Variants in CYP17A1 observed in about 807,000 individuals in gnomAD.
CYP17A1 encodes the protein steroid 17-alpha-hydroxylase/17,20 lyase.
A neutral mutation model predicts 38.5 loss-of-function variants in CYP17A1; 27 were observed. The observed-to-expected ratio is 0.70, with a 90% CI of 0.52 to 0.97. CYP17A1 has a LOEUF of 0.97. Among genes scored for constraint, CYP17A1 ranks in the 50% least tolerant of loss-of-function variants. The probability of loss-of-function intolerance (pLI) is 0.00; values close to 1 mark genes in which losing one functional copy is unlikely to be tolerated. For missense variants in CYP17A1, 549 were observed against 645.9 expected (o/e 0.85, Z 1.63); for synonymous variants, 263 against 253.3 (o/e 1.04, Z -0.36).
At position 102,837,119 on chromosome 10, in the gene CYP17A1, C is replaced by T; in HGVS notation, c.243G>A (p.Leu81=). 6.2e-7 allele frequency: 1 copy of T among 1,607,846 alleles called. No homozygotes were observed. Among genetic ancestry groups the T allele is most frequent in the Non-Finnish European group, 8.5e-7 (1 of 1,174,206 alleles). ...KTTVIVGHHQ[L]AKEVLIKKGK... ...CCTTCTTAATAAGCACCTCCTTGGCCAGCTGGTGGTGGCCGACAATCACTG... is the reference window on the plus strand; with the variant it reads ...CCTTCTTAATAAGCACCTCCTTGGCTAGCTGGTGGTGGCCGACAATCACTG... Residue 81 remains leucine (L), a synonymous_variant, in exon 1 of 8, where the codon CTG becomes CTA. Coordinates refer to ENST00000369887, the MANE Select transcript of CYP17A1 (RefSeq NM_000102.4).
In CYP17A1 at chr10:102,833,917, T is replaced by A. The variant is rs1844124573; in HGVS notation, c.753+119A>T. On this transcript the variant is annotated intron_variant, in intron 4 of 7. Coordinates refer to ENST00000369887, the MANE Select transcript of CYP17A1 (RefSeq NM_000102.4). The stretch of plus-strand genomic sequence containing the variant: ...CTTAAGTCAGTTTTTATTGTACACC[T>A]ACTATGTGCCAGGTTCTCTGCTTGG... 3 of 700,622 alleles carry A rather than the reference T, an allele frequency of 4.3e-6. No homozygotes were observed. In the East Asian group the frequency reaches 8.0e-5, roughly 19 times the overall value. 43.4% of individuals were successfully genotyped at this position (700,622 alleles called of 1,614,324 possible).
Position 102,833,337 on chromosome 10 carries a change from G to T in CYP17A1, c.754-129C>A, listed in dbSNP as rs895963188. 7 of 1,556,160 alleles carry T rather than the reference G, an allele frequency of 4.5e-6. No individual in the cohort carries two copies. The East Asian group carries it at 1.6e-4, about 36-fold the overall frequency. ...TTGGAAGTAGAGCAAGTCTGGGCAG[G>T]ACCTACGAACTTGTGGAGGTAGGAG... On this transcript the variant is annotated intron_variant, in intron 4 of 7. Coordinates refer to ENST00000369887, the MANE Select transcript of CYP17A1 (RefSeq NM_000102.4).
chr10:102,835,454 C>T (rs534015171), intron 1 of CYP17A1, 62 bp from the exon 2 acceptor site: 4 of 1,378,228 alleles, frequency 2.9e-6, no homozygotes, highest in Middle Eastern at 1.8e-4. Context: ...TGCCCTTACA[C>T]CTCTGGTCCC....
rs565664423 is a variant in CYP17A1 at position 102,830,696 on chromosome 10, C to A, written c.*6G>T. On this transcript the variant is annotated 3_prime_UTR_variant, in exon 8 of 8. Transcript: ENST00000369887. The surrounding 1 kb of genome is among the most constrained non-coding windows in gnomAD (Gnocchi z 4.1). Reference sequence around the variant, plus strand: ...TAGGGTGGACAGGGGCTGTGAGTTACAGCCTTTAGGTGCTACCCTCAGCCT... The same window carrying A: ...TAGGGTGGACAGGGGCTGTGAGTTAAAGCCTTTAGGTGCTACCCTCAGCCT... 1.9e-6 allele frequency: 3 copies of A among 1,549,514 alleles called. No homozygotes were observed. The highest frequency in any genetic ancestry group is 2.7e-6 in the Non-Finnish European group (3 of 1,125,920).
chr10:102,831,779 C>T (rs548751123), intron 6 of CYP17A1, 168 bp from the exon 7 acceptor site: 2 of 1,256,652 alleles, frequency 1.6e-6, no homozygotes, highest in East Asian at 5.2e-5. Flanking sequence ...AAATCCAGCC[C>T]TTCTCCATCC....
intron 4 of CYP17A1, chr10:102,833,616 C>T (rs750797406): frequency 1.1e-4 from 31 of 282,810 alleles, no homozygotes; most frequent in Non-Finnish European, 2.0e-4. Context: ...GCCACCGTGC[C>T]CGGCTAATTT....
intron 1 of CYP17A1, 199 bp downstream of exon 1, chr10:102,836,866 C>A (rs1169253734): frequency 1.6e-6 from 1 of 620,186 alleles, no homozygotes; most frequent in Non-Finnish European, 2.9e-6. Flanking sequence ...GTAGAGGAGA[C>A]ATTCCTTTAA....
In CYP17A1 at chr10:102,832,781, A is replaced by G. The variant is rs1331450035; in HGVS notation, c.970-101T>C. ...CTGTGACATCGAGAAGAGCCTGTCC[A>G]GTCCCTTCCCAGTAGTGGCTCTGGG... is the stretch of plus-strand genomic sequence containing the variant. On this transcript the variant is annotated intron_variant, in intron 5 of 7. Transcript: ENST00000369887. 2.4e-6 allele frequency: 3 copies of G among 1,263,378 alleles called. No homozygotes were observed. In the Admixed American group the frequency reaches 5.1e-5, roughly 22 times the overall value. 78.3% of individuals were successfully genotyped at this position (1,263,378 alleles called of 1,614,324 possible).
rs377611039 is a variant in CYP17A1, at chr10:102,833,076, T to C, written c.886A>G (p.Ile296Val). ...LLSDNHILTT[I>V]GDIFGAGVET... The stretch of plus-strand genomic sequence containing the variant: ...ACGCCAGCCCCAAAGATGTCCCCTA[T>C]GGTGGTGAGAATGTGGTTATCTGAA... Residue 296 changes from isoleucine (I) to valine (V), a missense_variant, in exon 5 of 8, where the codon ATA becomes GTA. Coordinates refer to ENST00000369887, the MANE Select transcript of CYP17A1 (RefSeq NM_000102.4). The C allele has an allele frequency of 3.7e-6, 6 of 1,614,000 alleles. No individual in the cohort carries two copies. In the African/African-American group the frequency reaches 8.0e-5, roughly 22 times the overall value.
rs1309787684 is a variant in CYP17A1, at chr10:102,830,873, G to T, written c.1356C>A (p.Leu452=). Residue 452 remains leucine (L), a synonymous_variant, in exon 8 of 8, where the codon CTC becomes CTA. Transcript: ENST00000369887. This position sits in a 1 kb window ranked among gnomAD's most constrained non-coding sequence, Gnocchi z 4.1. ...CIGEILARQE[L]FLIMAWLLQR... ...GCAGCAGCCAGGCCATGATGAGGAA[G>T]AGCTCCTGGCGGGCCAGGATCTCAC... 6.3e-7 allele frequency: 1 copy of T among 1,590,026 alleles called. No homozygotes were observed. The highest frequency in any genetic ancestry group is 2.3e-5 in the East Asian group (1 of 43,902).
intron 6 of CYP17A1, among the ~76,000 whole-genome samples, chr10:102,832,236 G>A (rs1844100300): frequency 6.6e-6 from 1 of 152,066 alleles, no homozygotes; most frequent in African/African-American, 2.4e-5. Context: ...ACGATGCATG[G>A]CTAATTTTTG....
Position 102,835,025 on chromosome 10 carries a change from AG to A in CYP17A1, c.437-12del. On this transcript the variant is annotated splice_polypyrimidine_tract_variant and intron_variant, in intron 2 of 7. Coordinates refer to ENST00000369887, the MANE Select transcript of CYP17A1 (RefSeq NM_000102.4). ...TGATTTCCTGACAAACTGAAGGGAG[AG>A]GGGGCATGAGGGTGGGAAATGAATC... The A allele has an allele frequency of 6.7e-7, 1 of 1,491,420 alleles. No homozygotes were observed. Among genetic ancestry groups the A allele is most frequent in the Non-Finnish European group, 9.3e-7 (1 of 1,076,266 alleles). 92.4% of individuals were successfully genotyped at this position (1,491,420 alleles called of 1,614,324 possible).
rs954723769 is a variant in CYP17A1, at chr10:102,834,205, T to A, written c.667-83A>T. 41 of 763,618 alleles carry A rather than the reference T, an allele frequency of 5.4e-5. No homozygotes were observed. In the Admixed American group the frequency reaches 8.1e-4, roughly 15 times the overall value. 47.3% of individuals were successfully genotyped at this position (763,618 alleles called of 1,614,324 possible). ...CCAGAGTCTCTCCTGGAGGCGGATC[T>A]TAGCTTTCTGTCTCTGGAAGTTCCT... On this transcript the variant is annotated intron_variant, in intron 3 of 7. Transcript: ENST00000369887.
chr10:102,831,443 C>T, intron 7 of CYP17A1, 65 bp downstream of exon 7: 1 of 1,601,164 alleles, frequency 6.2e-7, no homozygotes, highest in Admixed American at 1.7e-5. Flanking sequence ...TGAAGGGGTA[C>T]TGGGGTGGTG....
chr10:102,831,845 C>T, intron 6 of CYP17A1: 1 of 696,616 alleles, frequency 1.4e-6, no homozygotes, highest in Admixed American at 2.3e-5. Flanking sequence ...ACTTTGGTGT[C>T]TGGCAGTGTA....
chr10:102,832,389 T>C, intron 6 of CYP17A1, 122 bp downstream of exon 6: 1 of 752,246 alleles, frequency 1.3e-6, no homozygotes. Context: ...TGATTTTTAG[T>C]AGTTGATGGT....
chr10:102,835,179 C>T (rs1393570395), intron 2 of CYP17A1, 75 bp downstream of exon 2: 1 of 1,401,118 alleles, frequency 7.1e-7, no homozygotes, highest in African/African-American at 1.4e-5. Context: ...ACCCTTACCC[C>T]TGCCCAACCC....
Position 102,830,573 on chromosome 10 carries a change from C to A in CYP17A1, c.*129G>T. On this transcript the variant is annotated 3_prime_UTR_variant, in exon 8 of 8. Transcript: ENST00000369887. This position sits in a 1 kb window ranked among gnomAD's most constrained non-coding sequence, Gnocchi z 4.1. ...CTGTTTATGCACATCACTGGCATTG[C>A]CACAAGCTGAAAAAGAAGGCAGAGT... is the stretch of plus-strand genomic sequence containing the variant. 1.5e-6 allele frequency: 1 copy of A among 657,992 alleles called. No individual in the cohort carries two copies. The highest frequency in any genetic ancestry group is 1.7e-5 in the South Asian group (1 of 59,252). The allele number at this position is 657,992 out of a possible 1,614,324, so 40.8% of individuals were successfully genotyped here. A position where few individuals can be genotyped will look rare whatever the true frequency, so the allele number is the denominator to read the frequency against.
chr10:102,834,868 A>G lies in CYP17A1; in HGVS notation c.583T>C (p.Leu195=), dbSNP rs770311570. 2 of 1,614,078 alleles carry G rather than the reference A, an allele frequency of 1.2e-6. No homozygotes were observed. Among genetic ancestry groups the G allele is most frequent in the South Asian group, 2.2e-5 (2 of 91,066 alleles). ...TCATTGTAATTCTGTATGACATTCA[A>G]CTCAGGGTCCCCATTCTTGTAGGAG... ...NTSYKNGDPE[L]NVIQNYNEGI... is the part of the protein sequence containing the mutation. The change falls in exon 3 of 8, where the codon TTG becomes CTG. Residue 195 remains leucine (L), a synonymous_variant. Transcript: ENST00000369887.
Sources: gnomAD v4.1 joint callset for allele counts (sites outside exome capture counted in the v4.1 genomes callset) on GRCh38, gnomAD v4.1.1 for gene constraint, Gnocchi (gnomAD v3.1) non-coding constraint, MANE v1.5 for transcripts, NCBI Gene and HGNC (gene_info 2026-07-23, HGNC 2026-07-21) for gene names.